Variants in IGBP1 observed in about 807,000 individuals in gnomAD.
The protein encoded by IGBP1 is immunoglobulin binding protein 1.
IGBP1 carries 2 observed loss-of-function variants against 25.9 expected under a neutral mutation model. That is an observed-to-expected ratio of 0.08 (90% confidence interval 0.03 to 0.24). The LOEUF is 0.24. Among genes scored for constraint, IGBP1 ranks in the 10% least tolerant of loss-of-function variants. The probability of loss-of-function intolerance (pLI) is 1.00; values close to 1 mark genes in which losing one functional copy is unlikely to be tolerated. For synonymous variants in IGBP1, 96 were observed against 93.4 expected (o/e 1.03, Z -0.16); for missense variants, 187 against 260.4 (o/e 0.72, Z 1.94).
intron 3 of IGBP1, among the ~76,000 whole-genome samples, chrX:70,136,230 C>G: frequency 9.0e-6 from 1 of 111,339 alleles, no homozygotes; most frequent in Non-Finnish European, 1.9e-5. Context: ...AGATGGTCCC[C>G]GATTTGCGAT....
At chrX:70,142,160 C>G (rs1390413983) in intron 3 of IGBP1, among the ~76,000 whole-genome samples, 2 of 111,227 alleles carry the variant, frequency 1.8e-5, no homozygotes, top group African/African-American at 6.6e-5. Context: ...TGGTGAAACC[C>G]TGTCTCTACA....
chrX:70,142,461 A>C (rs2085136376), intron 3 of IGBP1, among the ~76,000 whole-genome samples: 1 of 111,538 alleles, frequency 9.0e-6, no homozygotes. Flanking sequence ...TGATCAATAA[A>C]TAGAGTGAGG....
intron 5 of IGBP1, 160 bp downstream of exon 5, chrX:70,149,000 G>C: frequency 2.1e-6 from 1 of 477,409 alleles, no homozygotes; most frequent in Non-Finnish European, 3.8e-6. Context: ...AGGCTGAGGT[G>C]GGTGGATCAC....
intron 6 of IGBP1, among the ~76,000 whole-genome samples, chrX:70,157,581 A>G (rs1412179218): frequency 3.5e-5 from 4 of 112,772 alleles, no homozygotes; most frequent in Non-Finnish European, 7.5e-5. Context: ...ATGGAAAACT[A>G]TGTAGCAATA....
intron 3 of IGBP1, among the ~76,000 whole-genome samples, chrX:70,137,595 G>T (rs1773): frequency 9.2e-6 from 1 of 108,313 alleles, no homozygotes; most frequent in Non-Finnish European, 1.9e-5. Context: ...AGGACCATGA[G>T]GAATAATAAA....
chrX:70,152,140 A>G (rs2085207072), intron 6 of IGBP1, among the ~76,000 whole-genome samples: 2 of 111,231 alleles, frequency 1.8e-5, no homozygotes. Flanking sequence ...GGTGAATAGC[A>G]ACTGAAAAAT....
intron 3 of IGBP1, among the ~76,000 whole-genome samples, chrX:70,145,042 A>G (rs992843022): frequency 9.2e-6 from 1 of 108,226 alleles, no homozygotes; most frequent in Non-Finnish European, 1.9e-5. Context: ...CCAAAAAAAA[A>G]AAGAAGAAAG....
chrX:70,162,564 G>A (rs975603530), intron 6 of IGBP1, among the ~76,000 whole-genome samples: 8 of 112,553 alleles, frequency 7.1e-5, no homozygotes, highest in Non-Finnish European at 1.5e-4. Flanking sequence ...ATTAATGTAA[G>A]AGGTTGATGA....
chrX:70,134,406 C>G (rs994823098), intron 2 of IGBP1, 117 bp from the exon 3 acceptor site: 1 of 781,969 alleles, frequency 1.3e-6, no homozygotes. Context: ...CCGCTGTTCC[C>G]CGTGCCTCCT....
intron 3 of IGBP1, among the ~76,000 whole-genome samples, chrX:70,135,321 G>A (rs1263070926): frequency 3.6e-5 from 4 of 111,856 alleles, no homozygotes; most frequent in African/African-American, 6.5e-5. Context: ...AACATTTAAT[G>A]GGTGGTCATG....
intron 3 of IGBP1, among the ~76,000 whole-genome samples, chrX:70,143,887 A>G (rs987975555): frequency 8.9e-6 from 1 of 112,816 alleles, no homozygotes; most frequent in Non-Finnish European, 1.9e-5. Context: ...GTGTTGAGTT[A>G]GAAGTTTAAA....
chrX:70,158,338 G>A (rs2085252652), intron 6 of IGBP1, among the ~76,000 whole-genome samples: 1 of 111,579 alleles, frequency 9.0e-6, no homozygotes, highest in South Asian at 3.8e-4. Context: ...AATAGAAAAA[G>A]AAAGAAAAGG....
At chrX:70,162,126 CA>C (rs764384780) in intron 6 of IGBP1, among the ~76,000 whole-genome samples, 4 of 111,717 alleles carry the variant, frequency 3.6e-5, no homozygotes, top group African/African-American at 9.8e-5. Flanking sequence ...CCAGAGACTG[CA>C]ATGTGGAAGG....
intron 3 of IGBP1, among the ~76,000 whole-genome samples, chrX:70,141,303 C>T (rs770910032): frequency 1.8e-5 from 2 of 109,028 alleles, no homozygotes; most frequent in Non-Finnish European, 3.8e-5. Context: ...GCCAAGATTG[C>T]GCCACTGCAC....
intron 6 of IGBP1, among the ~76,000 whole-genome samples, chrX:70,152,098 T>TA (rs2085206751): frequency 9.0e-6 from 1 of 111,301 alleles, no homozygotes; most frequent in African/African-American, 3.3e-5. Context: ...CTTGCAGTCT[T>TA]ACTGTTTGAG....
intron 6 of IGBP1, among the ~76,000 whole-genome samples, chrX:70,159,363 T>G (rs1317033550): frequency 9.0e-6 from 1 of 111,702 alleles, no homozygotes; most frequent in Non-Finnish European, 1.9e-5. Flanking sequence ...AAAGAATAAA[T>G]GCTAAAAGTT....
At chrX:70,148,882 T>C (rs2147579006) in intron 5 of IGBP1, 42 bp downstream of exon 5, 1 of 917,262 alleles carries the variant, frequency 1.1e-6, no homozygotes, top group Admixed American at 2.3e-5. Context: ...CCTCTGCTTT[T>C]ATGGTTCAAT....
intron 6 of IGBP1, among the ~76,000 whole-genome samples, chrX:70,157,694 A>G (rs1192716266): frequency 8.9e-6 from 1 of 112,349 alleles, no homozygotes; most frequent in African/African-American, 3.2e-5. Flanking sequence ...CATTCATACA[A>G]ACTTCAACAA....
At chrX:70,138,468 G>A (rs1206063331) in intron 3 of IGBP1, among the ~76,000 whole-genome samples, 2 of 77,592 alleles carry the variant, frequency 2.6e-5, no homozygotes, top group East Asian at 4.2e-4. Context: ...GTGACAGAGC[G>A]AGACCCTGTC....
Sources: gnomAD v4.1 joint callset for allele counts (sites outside exome capture counted in the v4.1 genomes callset) on GRCh38, gnomAD v4.1.1 for gene constraint, MANE v1.5 for transcripts, NCBI Gene and HGNC (gene_info 2026-07-23, HGNC 2026-07-21) for gene names.